The following PA2G4 variants were observed in gnomAD, a reference collection of about 807,000 sequenced individuals.
PA2G4 encodes proliferation-associated 2G4.
A neutral mutation model predicts 53.3 loss-of-function variants in PA2G4; 8 were observed. That is an observed-to-expected ratio of 0.15 (90% CI 0.09 to 0.27). The LOEUF is 0.27. Ranked by LOEUF, PA2G4 falls within the 10% of genes least tolerant of loss-of-function variation. PA2G4 has a pLI of 1.00. For synonymous variants in PA2G4, 143 were observed against 169.8 expected (o/e 0.84, Z 1.23); for missense variants, 208 against 486.8 (o/e 0.43, Z 5.39).
chr12:56,105,217 C>G, intron 1 of PA2G4: 1 of 448,964 alleles, frequency 2.2e-6, no homozygotes, highest in Non-Finnish European at 4.4e-6. Flanking sequence ...AGAAGTGCCC[C>G]TCTGTTTTTG....
At chr12:56,109,699 G>A (rs1017407141) in intron 6 of PA2G4, among the ~76,000 whole-genome samples, 158 bp from the exon 7 acceptor site, 1 of 151,288 alleles carries the variant, frequency 6.6e-6, no homozygotes, top group Admixed American at 6.6e-5. Context: ...GATCTATCCT[G>A]GCTATAACCC....
intron 5 of PA2G4, among the ~76,000 whole-genome samples, chr12:56,108,561 A>T (rs573082918): frequency 1.3e-5 from 2 of 152,224 alleles, no homozygotes; most frequent in Non-Finnish European, 2.9e-5. Context: ...TAAAATAGGC[A>T]TGTGTTAGAT....
At chr12:56,109,131 A>G in intron 5 of PA2G4, 99 bp from the exon 6 acceptor site, 1 of 713,058 alleles carries the variant, frequency 1.4e-6, no homozygotes, top group Non-Finnish European at 2.3e-6. Context: ...TCTCAAAAAA[A>G]AAAAAAAAAA....
rs373497999 is a variant in PA2G4, at chr12:56,113,181, C to T, written c.*293C>T. The T allele has an allele frequency of 1.1e-5, 3 of 268,486 alleles. No homozygotes were observed. The highest frequency in any genetic ancestry group is 1.8e-4 in the East Asian group (2 of 11,114). 16.6% of individuals were successfully genotyped at this position (268,486 alleles called of 1,614,324 possible). On this transcript the variant is annotated 3_prime_UTR_variant, in exon 13 of 13. Coordinates refer to ENST00000303305, the MANE Select transcript of PA2G4 (RefSeq NM_006191.3). ...ATCGTCTTCAAGCCCCTCTTTCTAG[C>T]CTTTTCTACTACTCTCTGCTTGGTC...
intron 5 of PA2G4, among the ~76,000 whole-genome samples, chr12:56,108,720 C>G (rs1464354250): frequency 6.6e-6 from 1 of 152,050 alleles, no homozygotes; most frequent in Non-Finnish European, 1.5e-5. Flanking sequence ...AGATGTAACC[C>G]CATTGCAAGT....
At chr12:56,109,479 G>T (rs1869372394) in intron 6 of PA2G4, among the ~76,000 whole-genome samples, 186 bp downstream of exon 6, 1 of 151,990 alleles carries the variant, frequency 6.6e-6, no homozygotes, top group African/African-American at 2.4e-5. Flanking sequence ...AATTAGCTGG[G>T]CGTGGTGGTG....
At chr12:56,112,318 T>C (rs1478439177) in intron 12 of PA2G4, among the ~76,000 whole-genome samples, 1 of 152,244 alleles carries the variant, frequency 6.6e-6, no homozygotes, top group Non-Finnish European at 1.5e-5. Context: ...CTACCTTGAA[T>C]GTGCTCAAAA....
intron 5 of PA2G4, among the ~76,000 whole-genome samples, chr12:56,108,738 C>T (rs539519008): frequency 2.0e-5 from 3 of 152,170 alleles, no homozygotes; most frequent in East Asian, 1.9e-4. Flanking sequence ...AGTTGGGGAG[C>T]ATCTGTATAA....
chr12:56,110,288 A>T lies in PA2G4; in HGVS notation c.630-111A>T. 3 of 691,092 alleles carry T rather than the reference A, an allele frequency of 4.3e-6. No individual in the cohort carries two copies. The South Asian group carries it at 5.2e-5, about 12-fold the overall frequency. The allele number at this position is 691,092 out of a possible 1,614,324, so 42.8% of individuals were successfully genotyped here. On this transcript the variant is annotated intron_variant, in intron 7 of 12. Transcript: ENST00000303305. The stretch of plus-strand genomic sequence containing the variant: ...GGCAGGAGAGTTGCTTGGACCCGGG[A>T]GGTGGAGGTTGCAGTGAGCTGAGAT...
chr12:56,106,521 G>A, intron 1 of PA2G4, 67 bp from the exon 2 acceptor site: 4 of 1,432,838 alleles, frequency 2.8e-6, no homozygotes, highest in Non-Finnish European at 3.7e-6. Context: ...CAACTTCCAG[G>A]TATTCCTTGG....
intron 11 of PA2G4, 24 bp downstream of exon 11, chr12:56,111,333 G>A (rs768882245): frequency 3.1e-6 from 5 of 1,613,926 alleles, no homozygotes; most frequent in Admixed American, 3.3e-5. Context: ...AGAAGGTGGT[G>A]AGTATGTACA....
intron 3 of PA2G4, 41 bp from the exon 4 acceptor site, chr12:56,107,146 A>C (rs769306509): frequency 6.2e-7 from 1 of 1,605,712 alleles, no homozygotes; most frequent in East Asian, 2.2e-5. Flanking sequence ...GCATTTACAA[A>C]ATGCCAGTTC....
At chr12:56,111,884 G>A (rs552961882) in intron 12 of PA2G4, among the ~76,000 whole-genome samples, 3 of 151,192 alleles carry the variant, frequency 2.0e-5, no homozygotes, top group South Asian at 2.1e-4. Flanking sequence ...AGGCTAAGGC[G>A]GATGGATCAC....
At chr12:56,109,366 TC>T in intron 6 of PA2G4, 73 bp downstream of exon 6, 1 of 1,135,702 alleles carries the variant, frequency 8.8e-7, no homozygotes, top group Non-Finnish European at 1.3e-6. Flanking sequence ...ACGCCTGTAA[TC>T]CCAGAACTTT....
intron 5 of PA2G4, 107 bp downstream of exon 5, chr12:56,107,720 A>C (rs1190192144): frequency 1.5e-6 from 1 of 687,234 alleles, no homozygotes; most frequent in Admixed American, 2.6e-5. Context: ...CCCCTTATAA[A>C]ACAGCTTTTT....
At chr12:56,106,511 C>G in intron 1 of PA2G4, 77 bp from the exon 2 acceptor site, 1 of 1,413,658 alleles carries the variant, frequency 7.1e-7, no homozygotes, top group South Asian at 1.6e-5. Context: ...CTCTTAAATT[C>G]AACTTCCAGG....
In PA2G4 at chr12:56,104,658, AC is replaced by A; in HGVS notation, c.-78del. 1 of 1,313,842 alleles carries A rather than the reference AC, an allele frequency of 7.6e-7. No individual in the cohort carries two copies. Among genetic ancestry groups the A allele is most frequent in the Non-Finnish European group, 1.1e-6 (1 of 905,868 alleles). The allele number at this position is 1,313,842 out of a possible 1,614,324, so 81.4% of individuals were successfully genotyped here. A position where few individuals can be genotyped will look rare whatever the true frequency, so the allele number is the denominator to read the frequency against. On this transcript the variant is annotated 5_prime_UTR_variant, in exon 1 of 13. Transcript: ENST00000303305. ...CTCCTCGAGGATCGAGGGGACTCTGACCACAGCCTGTGGCTGGGAAGGGAGA... is the reference window on the plus strand; with the variant it reads ...CTCCTCGAGGATCGAGGGGACTCTGACACAGCCTGTGGCTGGGAAGGGAGA...
At chr12:56,109,703 A>G (rs187488636) in intron 6 of PA2G4, among the ~76,000 whole-genome samples, 154 bp from the exon 7 acceptor site, 25 of 151,870 alleles carry the variant, frequency 1.6e-4, no homozygotes, top group African/African-American at 5.6e-4. Context: ...TATCCTGGCT[A>G]TAACCCAGTC....
At chr12:56,105,240 G>T (rs1032060856) in intron 1 of PA2G4, 10 of 408,484 alleles carry the variant, frequency 2.4e-5, no homozygotes, top group African/African-American at 2.1e-4. Context: ...GCGTCTCCGG[G>T]GCGTCAGGAG....
Sources: gnomAD v4.1 joint callset for allele counts (sites outside exome capture counted in the v4.1 genomes callset) on GRCh38, gnomAD v4.1.1 for gene constraint, MANE v1.5 for transcripts, NCBI Gene and HGNC (gene_info 2026-07-23, HGNC 2026-07-21) for gene names.